SPAG16: variants seen among roughly 807,000 people sequenced by gnomAD.
SPAG16 encodes sperm associated antigen 16.
SPAG16 carries 86 observed loss-of-function variants against 80.4 expected under a neutral mutation model. That is an observed-to-expected ratio of 1.07 (90% CI 0.90 to 1.28). The LOEUF is 1.28. SPAG16 is among the 50% of genes most tolerant of loss of function. The pLI, the probability that SPAG16 is intolerant of heterozygous loss-of-function variation, is 0.00. For synonymous variants in SPAG16, 294 were observed against 265.9 expected, an observed-to-expected ratio of 1.11 and a Z score of -1.03; for missense variants, 870 against 765.3, an observed-to-expected ratio of 1.14 and a Z score of -1.61.
At chr2:214,283,456 C>A (rs2125917414) in intron 15 of SPAG16, among the ~76,000 whole-genome samples, 1 of 152,254 alleles carries the variant, frequency 6.6e-6, no homozygotes, top group East Asian at 1.9e-4. Flanking sequence ...AAATACATTA[C>A]ATATCTTAAC....
chr2:213,929,933 G>A (rs114135655), intron 11 of SPAG16, 27 bp from the exon 12 acceptor site: 4 of 1,592,762 alleles, frequency 2.5e-6, no homozygotes, highest in Non-Finnish European at 2.6e-6. Context: ...TTTTAAACAA[G>A]CTGTCTTTTT....
chr2:213,323,521 G>A (rs946554781), intron 5 of SPAG16, among the ~76,000 whole-genome samples: 3 of 152,158 alleles, frequency 2.0e-5, no homozygotes, highest in Non-Finnish European at 4.4e-5. Flanking sequence ...CATTACTGGT[G>A]GGAATGCAAG....
At chr2:213,587,134 G>A (rs887803882) in intron 10 of SPAG16, among the ~76,000 whole-genome samples, 2 of 152,158 alleles carry the variant, frequency 1.3e-5, no homozygotes, top group South Asian at 2.1e-4. Context: ...GTTCCATGGA[G>A]CATTTCCCTA....
At chr2:213,826,414 A>G (rs1307088193) in intron 10 of SPAG16, among the ~76,000 whole-genome samples, 1 of 151,974 alleles carries the variant, frequency 6.6e-6, no homozygotes, top group Non-Finnish European at 1.5e-5. Flanking sequence ...TTTTCACTAT[A>G]TTCCATACAT....
intron 10 of SPAG16, among the ~76,000 whole-genome samples, chr2:213,741,565 A>T (rs562006444): frequency 6.6e-6 from 1 of 152,344 alleles, no homozygotes; most frequent in African/African-American, 2.4e-5. Flanking sequence ...ATATTAATCA[A>T]GTACAGATAA....
At chr2:213,543,487 C>T (rs931663015) in intron 10 of SPAG16, among the ~76,000 whole-genome samples, 7 of 151,916 alleles carry the variant, frequency 4.6e-5, no homozygotes, top group Middle Eastern at 3.4e-3. Context: ...CAGATCTTTC[C>T]CCATTCCTAG....
rs2076114582 is a variant in SPAG16 at position 213,532,707 on chromosome 2, C to T, written c.1070+42617C>T. 2.7e-5 allele frequency among the ~76,000 whole-genome samples: 4 copies of T among 150,888 alleles called. No homozygotes were observed. In the South Asian group the frequency reaches 6.2e-4, roughly 23 times the overall value. ...CGAACTCCTGACCTCAGGATCCGCC[C>T]GCCTCGGCCTCCCAAAGTGCTGGGA... On this transcript the variant is annotated intron_variant, in intron 10 of 15. Transcript: ENST00000331683.
At chr2:213,353,686 C>A (rs921581112) in intron 7 of SPAG16, among the ~76,000 whole-genome samples, 5 of 152,058 alleles carry the variant, frequency 3.3e-5, no homozygotes, top group Non-Finnish European at 7.4e-5. Context: ...GTCCCTCAGG[C>A]ATCTCGTCCC....
At chr2:213,645,851 G>A (rs984124616) in intron 10 of SPAG16, among the ~76,000 whole-genome samples, 4 of 152,172 alleles carry the variant, frequency 2.6e-5, no homozygotes, top group African/African-American at 9.7e-5. Flanking sequence ...TTATGACCCA[G>A]ACTGCCTTTC....
intron 13 of SPAG16, among the ~76,000 whole-genome samples, chr2:214,084,254 TCTC>T (rs1425636944): frequency 6.6e-6 from 1 of 152,186 alleles, no homozygotes; most frequent in Non-Finnish European, 1.5e-5. Flanking sequence ...ATCTGTAACT[TCTC>T]CTTCTTTACA....
At position 214,038,292 on chromosome 2, in the gene SPAG16, A is replaced by T. The variant is rs563818035; in HGVS notation, c.1527+24215A>T. On this transcript the variant is annotated intron_variant, in intron 13 of 15. Transcript: ENST00000331683. ...TTTAACATGTTTCTGTGTTGTTTGCATTTTGAATGACATATTTTAACACAA... is the reference window on the plus strand; with the variant it reads ...TTTAACATGTTTCTGTGTTGTTTGCTTTTTGAATGACATATTTTAACACAA... Among the ~76,000 whole-genome samples the T allele has an allele frequency of 5.7e-4, 86 of 152,048 alleles. 1 individual carries two copies. The highest frequency in any genetic ancestry group is 4.0e-3 in the Admixed American group (61 of 15,274).
chr2:213,297,476 ATC>A (rs1283507728), intron 3 of SPAG16, 119 bp downstream of exon 3: 2 of 548,498 alleles, frequency 3.6e-6, no homozygotes, highest in South Asian at 5.6e-5. Flanking sequence ...TATCATTTTC[ATC>A]TCTGTTTATT....
At chr2:213,686,708 A>G (rs2064695547) in intron 10 of SPAG16, among the ~76,000 whole-genome samples, 1 of 93,096 alleles carries the variant, frequency 1.1e-5, no homozygotes, top group Non-Finnish European at 2.0e-5. Flanking sequence ...TTTTTTTGAG[A>G]CAGAGTCTCG....
intron 9 of SPAG16, among the ~76,000 whole-genome samples, chr2:213,383,449 G>T (rs2067278565): frequency 6.6e-6 from 1 of 151,982 alleles, no homozygotes; most frequent in Non-Finnish European, 1.5e-5. Context: ...TAAATAAGTT[G>T]TTCATTTGTT....
intron 10 of SPAG16, among the ~76,000 whole-genome samples, chr2:213,803,762 G>A (rs1487725877): frequency 6.6e-6 from 1 of 152,108 alleles, no homozygotes; most frequent in Non-Finnish European, 1.5e-5. Flanking sequence ...TTTAGAGGAA[G>A]GATCTCGCTC....
chr2:213,351,805 T>C (rs2065344172), intron 7 of SPAG16, among the ~76,000 whole-genome samples: 1 of 152,142 alleles, frequency 6.6e-6, no homozygotes, highest in African/African-American at 2.4e-5. Context: ...ATGCCCCTTG[T>C]GCTTGAATTT....
chr2:214,259,803 A>T (rs1313461154), intron 15 of SPAG16, among the ~76,000 whole-genome samples: 1 of 152,104 alleles, frequency 6.6e-6, no homozygotes, highest in Admixed American at 6.6e-5. Context: ...GTGTGTTTGC[A>T]TTTGTCTTCT....
At chr2:214,134,060 A>G (rs1275666620) in intron 14 of SPAG16, among the ~76,000 whole-genome samples, 3 of 152,206 alleles carry the variant, frequency 2.0e-5, no homozygotes, top group African/African-American at 4.8e-5. Flanking sequence ...ACATCTTAAT[A>G]TTAGTTGAAA....
At chr2:214,305,823 T>G (rs1013231195) in intron 15 of SPAG16, among the ~76,000 whole-genome samples, 2 of 152,174 alleles carry the variant, frequency 1.3e-5, no homozygotes, top group Non-Finnish European at 2.9e-5. Flanking sequence ...CCAGCTTTGT[T>G]CTTTTTGCTT....
Sources: allele counts gnomAD v4.1 joint callset (sites outside exome capture counted in the v4.1 genomes callset), GRCh38; gene constraint gnomAD v4.1.1; transcripts MANE v1.5; gene names NCBI Gene and HGNC (gene_info 2026-07-23, HGNC 2026-07-21).